Variants in BNC2 observed in about 807,000 individuals in gnomAD.
BNC2 encodes zinc finger protein basonuclin-2.
BNC2 carries 20 observed loss-of-function variants against 76.3 expected under a neutral mutation model. That is an observed-to-expected ratio of 0.26 (90% CI 0.18 to 0.38). The LOEUF is 0.38. Among genes scored for constraint, BNC2 ranks in the 10% least tolerant of loss-of-function variants. The pLI is 1.00. For synonymous variants in BNC2, 582 were observed against 514.8 expected (o/e 1.13, Z -1.77); for missense variants, 1,382 against 1,399.8 (o/e 0.99, Z 0.20).
intron 3 of BNC2, chr9:16,625,902 G>A (rs1333581124): frequency 6.6e-6 from 1 of 152,230 alleles, no homozygotes. Context: ...TCCAAGGTAA[G>A]CACTTGCAAT....
chr9:16,843,750 A>T (rs1413731185), intron 1 of BNC2, among the ~76,000 whole-genome samples: 1 of 152,220 alleles, frequency 6.6e-6, no homozygotes, highest in African/African-American at 2.4e-5. Flanking sequence ...ATGTGTGTGG[A>T]AGGAGAAGAG....
chr9:16,820,536 C>T lies in BNC2; in HGVS notation c.3+50110G>A, dbSNP rs546365029. ...CAAATGATAGGTTTATTCAGCTCCA[C>T]AACCAGGCTTAAATAACTATGCCTT... On this transcript the variant is annotated intron_variant, in intron 1 of 6. Transcript: ENST00000380672. Among the ~76,000 whole-genome samples the T allele has an allele frequency of 5.3e-5, 8 of 152,268 alleles. No individual in the cohort carries two copies. The South Asian group carries it at 6.2e-4, about 12-fold the overall frequency.
At chr9:16,536,100 G>C (rs974917337) in intron 5 of BNC2, among the ~76,000 whole-genome samples, 1 of 151,892 alleles carries the variant, frequency 6.6e-6, no homozygotes, top group African/African-American at 2.4e-5. Context: ...ATAATAAAAT[G>C]CTGGGAATTT....
In BNC2 at chr9:16,412,771, CTGAT is replaced by C. The variant is rs1315977483; in HGVS notation, c.*6214_*6217del. The C allele has an allele frequency of 2.2e-3, 209 of 92,956 alleles. No individual in the cohort carries two copies. Among genetic ancestry groups the C allele is most frequent in the East Asian group, 2.5e-3 (9 of 3,560 alleles). 5.8% of individuals were successfully genotyped at this position (92,956 alleles called of 1,614,324 possible). A position where few individuals can be genotyped will look rare whatever the true frequency, so the allele number is the denominator to read the frequency against. ...AGAGAGAGAGAGAGAGAGAGACTGACTGATTGTGGATGTGTGTGTACATCAGGGA... is the reference window on the plus strand; with the variant it reads ...AGAGAGAGAGAGAGAGAGAGACTGACTGTGGATGTGTGTGTACATCAGGGA... On this transcript the variant is annotated 3_prime_UTR_variant, in exon 7 of 7. Transcript: ENST00000380672.
At chr9:16,552,261 C>A (rs1300611778) in intron 5 of BNC2, among the ~76,000 whole-genome samples, 1 of 152,134 alleles carries the variant, frequency 6.6e-6, no homozygotes, top group Non-Finnish European at 1.5e-5. Flanking sequence ...AGCCAGAAAG[C>A]CCATGATGTA....
intron 1 of BNC2, among the ~76,000 whole-genome samples, chr9:16,785,760 T>C (rs1826274992): frequency 6.6e-6 from 1 of 151,042 alleles, no homozygotes; most frequent in African/African-American, 2.4e-5. Flanking sequence ...TGAACCAAGC[T>C]TGCACCATTG....
chr9:16,733,840 C>T (rs955419387), intron 2 of BNC2, among the ~76,000 whole-genome samples: 30 of 151,682 alleles, frequency 2.0e-4, no homozygotes, highest in African/African-American at 6.0e-4. Flanking sequence ...GCCGAGATCA[C>T]GCCACTGCAC....
At chr9:16,659,144 T>TGGC (rs1822020038) in intron 3 of BNC2, among the ~76,000 whole-genome samples, 1 of 113,864 alleles carries the variant, frequency 8.8e-6, no homozygotes, top group Non-Finnish European at 1.7e-5. Context: ...GGCAGATGGA[T>TGGC]GGCGGGGGGG....
intron 1 of BNC2, among the ~76,000 whole-genome samples, chr9:16,839,036 G>GT (rs1818768698): frequency 6.6e-6 from 1 of 152,198 alleles, no homozygotes; most frequent in African/African-American, 2.4e-5. Context: ...GCTAACAGAA[G>GT]TTAGCTCTTA....
intron 3 of BNC2, among the ~76,000 whole-genome samples, chr9:16,677,002 C>T (rs1822663161): frequency 6.6e-6 from 1 of 152,044 alleles, no homozygotes; most frequent in African/African-American, 2.4e-5. Flanking sequence ...CTTTAGATTC[C>T]TTATTTTAGG....
At chr9:16,449,850 A>C (rs12342556) in intron 5 of BNC2, among the ~76,000 whole-genome samples, 1 of 119,112 alleles carries the variant, frequency 8.4e-6, no homozygotes, top group African/African-American at 3.8e-5. Flanking sequence ...GCGGGGGGGG[A>C]GGGTAACTAA....
chr9:16,578,435 C>T lies in BNC2; in HGVS notation c.433+4548G>A, dbSNP rs532842660. ...ACATCATGCCTCCTGTTTTTTTTCA[C>T]GAAGACAGCAAACTCCTATTGGTAA... On this transcript the variant is annotated intron_variant, in intron 4 of 6. Transcript: ENST00000380672. 3.4e-4 allele frequency among the ~76,000 whole-genome samples: 52 copies of T among 151,694 alleles called. 1 individual carries two copies. Among genetic ancestry groups the T allele is most frequent in the Non-Finnish European group, 6.6e-4 (45 of 67,878 alleles).
At chr9:16,746,088 A>C (rs1486497056) in intron 1 of BNC2, among the ~76,000 whole-genome samples, 5 of 152,196 alleles carry the variant, frequency 3.3e-5, no homozygotes, top group Non-Finnish European at 7.3e-5. Context: ...AACTGAGGCA[A>C]AGTCAAAGAA....
intron 5 of BNC2, among the ~76,000 whole-genome samples, chr9:16,511,669 T>A (rs898526505): frequency 3.9e-5 from 6 of 152,076 alleles, no homozygotes; most frequent in Non-Finnish European, 7.4e-5. Flanking sequence ...GCTCAAGGAA[T>A]CCATGGGCCT....
In BNC2 at chr9:16,683,569, G is replaced by A. The variant is rs115246126; in HGVS notation, c.330+44228C>T. ...GCTCCCTAGAGTATAAAGCTATGCTGAACAATAAGAAATGGCTCATTCTCT... is the reference window on the plus strand; with the variant it reads ...GCTCCCTAGAGTATAAAGCTATGCTAAACAATAAGAAATGGCTCATTCTCT... On this transcript the variant is annotated intron_variant, in intron 3 of 6. Coordinates refer to ENST00000380672, the MANE Select transcript of BNC2 (RefSeq NM_017637.6). Among the ~76,000 whole-genome samples the A allele has an allele frequency of 9.3e-3, 1,417 of 152,214 alleles. 17 individuals carry two copies. Among genetic ancestry groups the A allele is most frequent in the African/African-American group, 0.032 (1,343 of 41,526 alleles).
chr9:16,673,465 T>C (rs1052344340), intron 3 of BNC2, among the ~76,000 whole-genome samples: 11 of 148,742 alleles, frequency 7.4e-5, no homozygotes, highest in East Asian at 4.0e-4. Context: ...CACACACACA[T>C]ACAACTGAGA....
intron 5 of BNC2, among the ~76,000 whole-genome samples, chr9:16,448,417 T>C (rs926938885): frequency 1.3e-5 from 2 of 152,134 alleles, no homozygotes; most frequent in Admixed American, 6.6e-5. Flanking sequence ...CAACCTCTTA[T>C]CTTTGAGGTT....
At chr9:16,640,728 C>T (rs931673767) in intron 3 of BNC2, among the ~76,000 whole-genome samples, 1 of 152,144 alleles carries the variant, frequency 6.6e-6, no homozygotes, top group Non-Finnish European at 1.5e-5. Context: ...AATACCCCAA[C>T]AGGAGGCATC....
chr9:16,563,303 C>T (rs1191038681), intron 4 of BNC2, among the ~76,000 whole-genome samples: 8 of 151,978 alleles, frequency 5.3e-5, no homozygotes, highest in Non-Finnish European at 5.9e-5. Flanking sequence ...AAACAACATG[C>T]CTCTAAACTG....
Sources: gnomAD v4.1 joint callset for allele counts (sites outside exome capture counted in the v4.1 genomes callset) on GRCh38, gnomAD v4.1.1 for gene constraint, MANE v1.5 for transcripts, NCBI Gene and HGNC (gene_info 2026-07-23, HGNC 2026-07-21) for gene names.